IGF1R: variants seen among roughly 807,000 people sequenced by gnomAD.
IGF1R encodes insulin-like growth factor 1 receptor.
Under a neutral mutation model 144.6 loss-of-function variants are expected in IGF1R, and 44 were observed. The ratio of observed to expected loss-of-function variants is 0.30; its 90% CI spans 0.24 to 0.39. IGF1R has a LOEUF of 0.39. IGF1R is among the 10% of genes least tolerant of loss of function. The pLI is 1.00. For synonymous variants in IGF1R, 795 were observed against 722.8 expected (o/e 1.10, Z -1.60); for missense variants, 1,355 against 1,833.7 (o/e 0.74, Z 4.77).
chr15:98,880,212 G>T (rs978521443), intron 2 of IGF1R, among the ~76,000 whole-genome samples: 6 of 152,310 alleles, frequency 3.9e-5, no homozygotes, highest in Middle Eastern at 3.4e-3. Flanking sequence ...AGCCCAGCTA[G>T]AGGACGATTC....
chr15:98,869,528 C>T (rs2012668852), intron 2 of IGF1R, among the ~76,000 whole-genome samples: 2 of 151,628 alleles, frequency 1.3e-5, no homozygotes, highest in South Asian at 2.1e-4. Context: ...CTCCACCTCT[C>T]GGGTTCAAGC....
chr15:98,929,686 CTT>C lies in IGF1R; in HGVS notation c.2885+28_2885+29del, dbSNP rs761939861. The C allele has an allele frequency of 3.5e-6, 5 of 1,426,934 alleles. No homozygotes were observed. In the African/African-American group the frequency reaches 7.0e-5, roughly 20 times the overall value. 88.4% of individuals were successfully genotyped at this position (1,426,934 alleles called of 1,614,324 possible). A position where few individuals can be genotyped will look rare whatever the true frequency, so the allele number is the denominator to read the frequency against. On this transcript the variant is annotated intron_variant, in intron 14 of 20. Transcript: ENST00000650285. ...GTCAGTGATGTGCAAAGTTATGACACTTTCTGTGGCTGAGTGGTTTGATGATT... is the reference window on the plus strand; with the variant it reads ...GTCAGTGATGTGCAAAGTTATGACACTCTGTGGCTGAGTGGTTTGATGATT...
rs757142695 is a variant in IGF1R at position 98,707,816 on chromosome 15, C to T, written c.349C>T (p.Leu117=). The change falls in exon 2 of 21, where the codon CTG becomes TTG. Residue 117 remains leucine, a synonymous_variant. Transcript: ENST00000650285. This position sits in a 1 kb window ranked among gnomAD's most constrained non-coding sequence, Gnocchi z 6.7. ...CTGGAAACTCTTCTACAACTACGCC[C>T]TGGTCATCTTCGAGATGACCAATCT... The part of the protein sequence containing the change: ...RGWKLFYNYA[L]VIFEMTNLKD... 2 of 1,614,212 alleles carry T rather than the reference C, an allele frequency of 1.2e-6. No homozygotes were observed. The highest frequency in any genetic ancestry group is 3.3e-5 in the Admixed American group (2 of 60,030).
In IGF1R at chr15:98,694,693, G is replaced by A. The variant is rs149839825; in HGVS notation, c.95-12869G>A. Among the ~76,000 whole-genome samples, 1,014 of 152,294 alleles carry A rather than the reference G, an allele frequency of 6.7e-3. 12 individuals are homozygous for A. The highest frequency in any genetic ancestry group is 6.1e-3 in the Non-Finnish European group (415 of 68,024). Reference sequence around the variant, plus strand: ...TGGAACTTGTAAAAGAGAAAAAAATGTACTTCTCAATTTCCATGGAAGAAT... The same window carrying A: ...TGGAACTTGTAAAAGAGAAAAAAATATACTTCTCAATTTCCATGGAAGAAT... On this transcript the variant is annotated intron_variant, in intron 1 of 20. Coordinates refer to ENST00000650285, the MANE Select transcript of IGF1R (RefSeq NM_000875.5).
intron 2 of IGF1R, among the ~76,000 whole-genome samples, chr15:98,862,682 G>A (rs2141586892): frequency 6.6e-6 from 1 of 152,276 alleles, no homozygotes; most frequent in African/African-American, 2.4e-5. Flanking sequence ...GGATTTTTGA[G>A]TTTGTCAGTC....
intron 2 of IGF1R, among the ~76,000 whole-genome samples, chr15:98,782,269 G>A: frequency 6.6e-6 from 1 of 152,162 alleles, no homozygotes; most frequent in Non-Finnish European, 1.5e-5. Flanking sequence ...ATGAAAGGAA[G>A]CAGCTTTGTT....
intron 5 of IGF1R, among the ~76,000 whole-genome samples, chr15:98,901,704 A>G (rs1048296833): frequency 6.6e-6 from 1 of 152,246 alleles, no homozygotes; most frequent in African/African-American, 2.4e-5. Context: ...AATGTGCCCT[A>G]GGCATGGAGA....
intron 2 of IGF1R, among the ~76,000 whole-genome samples, chr15:98,801,265 C>T (rs2056357754): frequency 1.3e-5 from 2 of 152,202 alleles, no homozygotes; most frequent in African/African-American, 2.4e-5. Context: ...CCCTGCTCCC[C>T]GTGAGCGGCT....
intron 2 of IGF1R, among the ~76,000 whole-genome samples, chr15:98,714,219 C>T (rs902222192): frequency 2.0e-5 from 3 of 151,890 alleles, no homozygotes; most frequent in African/African-American, 7.3e-5. Context: ...GTTCTTATAT[C>T]CTTGTTTGTC....
At chr15:98,857,043 T>C (rs943704472) in intron 2 of IGF1R, among the ~76,000 whole-genome samples, 4 of 152,100 alleles carry the variant, frequency 2.6e-5, no homozygotes, top group Admixed American at 6.6e-5. Context: ...AAGAAAGATA[T>C]TCTACAATCG....
At chr15:98,680,048 T>TA (rs1345392605) in intron 1 of IGF1R, among the ~76,000 whole-genome samples, 2 of 151,884 alleles carry the variant, frequency 1.3e-5, no homozygotes, top group East Asian at 1.9e-4. Context: ...TTTGTAAAAG[T>TA]AAAAAAAGTT....
intron 1 of IGF1R, among the ~76,000 whole-genome samples, chr15:98,697,213 C>T (rs1237241707): frequency 6.6e-6 from 1 of 152,116 alleles, no homozygotes; most frequent in East Asian, 1.9e-4. Context: ...TACAGATGTG[C>T]CAAACACTCA....
intron 19 of IGF1R, among the ~76,000 whole-genome samples, chr15:98,945,989 G>A (rs1186576893): frequency 1.3e-5 from 2 of 151,974 alleles, no homozygotes; most frequent in African/African-American, 4.8e-5. Context: ...TTGGGGGTGT[G>A]GAAGATGCGG....
intron 2 of IGF1R, among the ~76,000 whole-genome samples, chr15:98,768,632 G>A (rs28720911): frequency 0.2 from 24,513 of 123,998 alleles, 2,365 homozygotes; most frequent in East Asian, 0.29. Flanking sequence ...AAAAAAAAAT[G>A]CCCACAACTG....
chr15:98,858,926 G>A (rs1705343175), intron 2 of IGF1R, among the ~76,000 whole-genome samples: 2 of 152,328 alleles, frequency 1.3e-5, no homozygotes, highest in African/African-American at 4.8e-5. Context: ...AGGAAGGCCA[G>A]TAAGCCTCCT....
Position 98,923,935 on chromosome 15 carries a change from T to A in IGF1R, c.2545T>A (p.Phe849Ile). Residue 849 changes from phenylalanine (F) to isoleucine (I), a missense_variant, in exon 12 of 21, where the codon TTT (phenylalanine) becomes ATT (isoleucine). Physicochemically the swap from Phe to Ile is conservative, Grantham distance 21 (BLOSUM62 0). Around this residue, in one of 7 missense-constraint regions of IGF1R, gnomAD observed 880 missense variants for 1,202.7 expected, o/e 0.73. Transcript: ENST00000650285. ...GGAGCCAAGGCCTGAAAACTCCATCTTTTTAAAGTGGCCGGAACCTGAGAA... is the reference window on the plus strand; with the variant it reads ...GGAGCCAAGGCCTGAAAACTCCATCATTTTAAAGTGGCCGGAACCTGAGAA... ...TWEPRPENSI[F>I]LKWPEPENPN... 1 of 1,613,386 alleles carries A rather than the reference T, an allele frequency of 6.2e-7. No homozygotes were observed. Among genetic ancestry groups the A allele is most frequent in the African/African-American group, 1.3e-5 (1 of 75,056 alleles).
At chr15:98,910,401 A>G (rs1281471267) in intron 6 of IGF1R, among the ~76,000 whole-genome samples, 1 of 152,226 alleles carries the variant, frequency 6.6e-6, no homozygotes, top group Admixed American at 6.5e-5. Context: ...CTTCAGCAGG[A>G]ACTGTGACAT....
chr15:98,856,545 T>C (rs1208707169), intron 2 of IGF1R, among the ~76,000 whole-genome samples: 2 of 152,244 alleles, frequency 1.3e-5, no homozygotes, highest in African/African-American at 4.8e-5. Context: ...TGCCTTTTGC[T>C]GAGTATTAAA....
intron 15 of IGF1R, among the ~76,000 whole-genome samples, chr15:98,930,649 ATGC>A (rs71950777): frequency 0.075 from 11,395 of 152,276 alleles, 451 homozygotes; most frequent in Middle Eastern, 0.15. Context: ...GTCAGAGGAT[ATGC>A]TGCAGCTGAC....
Sources: allele counts gnomAD v4.1 joint callset (sites outside exome capture counted in the v4.1 genomes callset), GRCh38; gene constraint gnomAD v4.1.1; regional missense constraint gnomAD v4.1.1; non-coding constraint Gnocchi (gnomAD v3.1); transcripts MANE v1.5; gene names NCBI Gene and HGNC (gene_info 2026-07-23, HGNC 2026-07-21).